The following N4BP2 variants were observed in gnomAD, a reference collection of about 807,000 sequenced individuals.
N4BP2 encodes NEDD4 binding protein 2, also known as NEDD4-binding protein 2.
In N4BP2, 91 loss-of-function variants were observed where a neutral mutation model predicts 152.8. That is an observed-to-expected ratio of 0.60 (90% confidence interval 0.50 to 0.71). N4BP2 has a LOEUF of 0.71. N4BP2 is among the 30% of genes least tolerant of loss of function. The pLI, the probability that N4BP2 is intolerant of heterozygous loss-of-function variation, is 0.00. For missense variants in N4BP2, 1,923 were observed against 2,059.1 expected, an observed-to-expected ratio of 0.93 and a Z score of 1.28; for synonymous variants, 646 against 705.3, an observed-to-expected ratio of 0.92 and a Z score of 1.33.
intron 16 of N4BP2, among the ~76,000 whole-genome samples, chr4:40,146,822 T>C (rs1483966495): frequency 6.6e-6 from 1 of 151,676 alleles, no homozygotes; most frequent in African/African-American, 2.4e-5. Context: ...CTCCTCTCTA[T>C]TCTGGCCCCT....
chr4:40,153,235 G>A (rs1159511622), intron 17 of N4BP2, among the ~76,000 whole-genome samples: 1 of 152,152 alleles, frequency 6.6e-6, no homozygotes, highest in African/African-American at 2.4e-5. Context: ...CTAAAAGAAA[G>A]TAAATATATT....
chr4:40,080,338 A>G (rs951508739), intron 2 of N4BP2, among the ~76,000 whole-genome samples: 1 of 150,878 alleles, frequency 6.6e-6, no homozygotes, highest in Non-Finnish European at 1.5e-5. Context: ...ACACACACAT[A>G]TATATGTATA....
At chr4:40,115,762 C>A (rs1384830749) in intron 7 of N4BP2, among the ~76,000 whole-genome samples, 5 of 151,812 alleles carry the variant, frequency 3.3e-5, no homozygotes, top group African/African-American at 1.2e-4. Context: ...ATTTTTTTGG[C>A]CTAGTTAAGT....
chr4:40,090,377 A>G (rs888219991), intron 2 of N4BP2, among the ~76,000 whole-genome samples: 1 of 152,200 alleles, frequency 6.6e-6, no homozygotes, highest in Non-Finnish European at 1.5e-5. Context: ...AAGAATTGAC[A>G]TATTTACTGT....
At position 40,144,834 on chromosome 4, in the gene N4BP2, A is replaced by C. The variant is rs764942342; in HGVS notation, c.5143+34A>C. 10 of 1,547,192 alleles carry C rather than the reference A, an allele frequency of 6.5e-6. No homozygotes were observed. The African/African-American group carries it at 1.4e-4, about 21-fold the overall frequency. ...GTGGTAATCACAAGTTTTCAATAGA[A>C]TATATGTCTTTGCTTATATTGGTAT... On this transcript the variant is annotated intron_variant, in intron 16 of 17. Transcript: ENST00000261435.
At chr4:40,141,326 C>G (rs1719928067) in intron 14 of N4BP2, among the ~76,000 whole-genome samples, 1 of 151,820 alleles carries the variant, frequency 6.6e-6, no homozygotes, top group African/African-American at 2.4e-5. Context: ...CCTCACTTGT[C>G]AGACGGGGCG....
chr4:40,071,274 C>G (rs779899936), intron 1 of N4BP2, among the ~76,000 whole-genome samples: 3 of 151,762 alleles, frequency 2.0e-5, no homozygotes, highest in Admixed American at 6.6e-5. Context: ...TGTAGTATTA[C>G]TTCTTCCTCT....
intron 1 of N4BP2, among the ~76,000 whole-genome samples, chr4:40,058,901 A>G (rs1733431062): frequency 1.3e-5 from 2 of 151,896 alleles, no homozygotes. Context: ...GCTCACTGCA[A>G]CGTCTGCCTC....
chr4:40,120,008 A>T lies in N4BP2; in HGVS notation c.1897A>T (p.Thr633Ser), dbSNP rs1449388744. 1 of 1,578,988 alleles carries T rather than the reference A, an allele frequency of 6.3e-7. No individual in the cohort carries two copies. Among genetic ancestry groups the T allele is most frequent in the South Asian group, 1.1e-5 (1 of 89,562 alleles). Residue 633 changes from threonine to serine, a missense_variant, in exon 9 of 18, where the codon ACT (threonine) becomes TCT (serine). Thr to Ser is a moderately conservative substitution (Grantham distance 58). Coordinates refer to ENST00000261435, the MANE Select transcript of N4BP2 (RefSeq NM_018177.6). ...LSLSLKHLEF[T>S]EEKNLDVTKE... The stretch of plus-strand genomic sequence containing the variant: ...TTTATCTTTGAAGCATCTAGAGTTC[A>T]CTGAAGAGAAGAATCTTGATGTAAC...
At chr4:40,093,719 C>T (rs754998827) in intron 2 of N4BP2, among the ~76,000 whole-genome samples, 37 of 152,216 alleles carry the variant, frequency 2.4e-4, no homozygotes, top group Non-Finnish European at 2.9e-5. Flanking sequence ...TGGGTTCAAA[C>T]GATTCTCCTG....
In N4BP2 at chr4:40,154,428, A is replaced by G. The variant is rs1721434337; in HGVS notation, c.*191A>G. The G allele has an allele frequency of 8.2e-6, 4 of 485,786 alleles. No homozygotes were observed. The highest frequency in any genetic ancestry group is 1.4e-5 in the Non-Finnish European group (4 of 278,876). The allele number at this position is 485,786 out of a possible 1,614,324, so 30.1% of individuals were successfully genotyped here. ...TTTTACTGAATCAAATGCAAATGTT[A>G]CCTGTTAAAGATATTACAGAGAAAT... On this transcript the variant is annotated 3_prime_UTR_variant, in exon 18 of 18. Transcript: ENST00000261435.
At chr4:40,096,871 G>C (rs576656518) in intron 2 of N4BP2, among the ~76,000 whole-genome samples, 43 of 152,268 alleles carry the variant, frequency 2.8e-4, no homozygotes, top group Admixed American at 1.9e-3. Flanking sequence ...AGGTTTGAAG[G>C]GGGTGATGAG....
chr4:40,100,846 A>G (rs1055247788), intron 3 of N4BP2, among the ~76,000 whole-genome samples: 3 of 152,186 alleles, frequency 2.0e-5, no homozygotes, highest in African/African-American at 7.2e-5. Context: ...TCATGGTAGT[A>G]TTTGAGGATT....
intron 1 of N4BP2, chr4:40,057,268 A>T (rs1168543529): frequency 6.6e-6 from 1 of 152,240 alleles, no homozygotes; most frequent in East Asian, 1.9e-4. Context: ...CCTGGCGCTC[A>T]GCCCGAGGCC....
intron 2 of N4BP2, among the ~76,000 whole-genome samples, chr4:40,082,470 T>G (rs1713484111): frequency 1.3e-5 from 2 of 152,038 alleles, no homozygotes; most frequent in Non-Finnish European, 2.9e-5. Context: ...AGTATATAAA[T>G]GCCAATAAGA....
intron 16 of N4BP2, among the ~76,000 whole-genome samples, chr4:40,147,423 T>G (rs1283454211): frequency 6.6e-6 from 1 of 152,104 alleles, no homozygotes; most frequent in Non-Finnish European, 1.5e-5. Flanking sequence ...CAATGAGCTG[T>G]TGGGTACACC....
chr4:40,102,695 G>C lies in N4BP2; in HGVS notation c.850G>C (p.Val284Leu). The change falls in exon 4 of 18, where the codon GTA becomes CTA. Residue 284 changes from valine to leucine, a missense_variant. Physicochemically the swap from Val to Leu is conservative, Grantham distance 32. Coordinates refer to ENST00000261435, the MANE Select transcript of N4BP2 (RefSeq NM_018177.6). ...TGAGGCTCAATTCTCTGAAGCTCCTGTAGATTTGGATGCCAGTGAACCTCA... is the reference window on the plus strand; with the variant it reads ...TGAGGCTCAATTCTCTGAAGCTCCTCTAGATTTGGATGCCAGTGAACCTCA... ...CVEAQFSEAPVDLDASEPQAC... is the reference protein window; with the variant it reads ...CVEAQFSEAPLDLDASEPQAC... 1 of 1,614,196 alleles carries C rather than the reference G, an allele frequency of 6.2e-7. No individual in the cohort carries two copies. The highest frequency in any genetic ancestry group is 8.5e-7 in the Non-Finnish European group (1 of 1,180,034).
intron 7 of N4BP2, among the ~76,000 whole-genome samples, chr4:40,115,468 C>T (rs1248661941): frequency 6.6e-6 from 1 of 152,166 alleles, no homozygotes; most frequent in Non-Finnish European, 1.5e-5. Flanking sequence ...TGCACTCCAG[C>T]CTAGGCAACA....
At chr4:40,089,825 A>T (rs1162663963) in intron 2 of N4BP2, among the ~76,000 whole-genome samples, 1 of 152,072 alleles carries the variant, frequency 6.6e-6, no homozygotes, top group Admixed American at 6.6e-5. Flanking sequence ...TTTAGTTCCC[A>T]CAAGGAGAGA....
Sources: allele counts gnomAD v4.1 joint callset (sites outside exome capture counted in the v4.1 genomes callset), GRCh38; gene constraint gnomAD v4.1.1; transcripts MANE v1.5; gene names NCBI Gene and HGNC (gene_info 2026-07-23, HGNC 2026-07-21).